MTCL2: variants seen among roughly 807,000 people sequenced by gnomAD.
MTCL2 encodes the protein microtubule cross-linking factor 2.
the MTCL2 span, among the ~76,000 whole-genome samples, chr20:36,847,353 C>T: frequency 1.3e-5 from 2 of 152,224 alleles, no homozygotes; most frequent in Non-Finnish European, 2.9e-5. Context: ...CCTTCCCAGA[C>T]TCTGATTCAA....
At chr20:36,827,357 CTTTTTTTTTTTT>C in the MTCL2 span, among the ~76,000 whole-genome samples, 2 of 116,346 alleles carry the variant, frequency 1.7e-5, no homozygotes, top group Admixed American at 9.8e-5. Flanking sequence ...CTGGACCCCC[CTTTTTTTTTTTT>C]TTTTTTTTTT....
chr20:36,832,967 G>A, the MTCL2 span, among the ~76,000 whole-genome samples: 1 of 152,140 alleles, frequency 6.6e-6, no homozygotes, highest in South Asian at 2.1e-4. Flanking sequence ...GCCCTCACAA[G>A]TGATTTACAG....
chr20:36,819,315 G>A, the MTCL2 span, among the ~76,000 whole-genome samples: 1 of 152,116 alleles, frequency 6.6e-6, no homozygotes, highest in Non-Finnish European at 1.5e-5. Flanking sequence ...GTATATTTTT[G>A]AAAATGGCCC....
chr20:36,822,890 C>T, the MTCL2 span, among the ~76,000 whole-genome samples: 2 of 151,932 alleles, frequency 1.3e-5, no homozygotes, highest in East Asian at 1.9e-4. Context: ...CCTGAGTAGC[C>T]GAGACTACAG....
At chr20:36,835,860 C>A in the MTCL2 span, among the ~76,000 whole-genome samples, 2 of 152,316 alleles carry the variant, frequency 1.3e-5, no homozygotes, top group South Asian at 4.1e-4. Context: ...TCCCCGCCGC[C>A]GCCGCCGCTG....
At chr20:36,862,893 G>C in the MTCL2 span, 1 of 1,244,702 alleles carries the variant, frequency 8.0e-7, no homozygotes, top group Non-Finnish European at 1.0e-6. Context: ...GACCCCCGCC[G>C]GGCCCCCGGC....
the MTCL2 span, chr20:36,808,891 A>G: frequency 3.0e-6 from 2 of 665,542 alleles, no homozygotes; most frequent in Non-Finnish European, 5.1e-6. Context: ...GGCGCAATCT[A>G]TTCAGATGAG....
the MTCL2 span, among the ~76,000 whole-genome samples, chr20:36,849,157 G>A: frequency 7.6e-6 from 1 of 131,418 alleles, no homozygotes; most frequent in Non-Finnish European, 1.5e-5. Flanking sequence ...TGCCTCTGGG[G>A]TTCAAACGAT....
chr20:36,785,178 G>T, the MTCL2 span: 1 of 985,338 alleles, frequency 1.0e-6, no homozygotes, highest in Non-Finnish European at 1.2e-6. Context: ...GGGGTGCAGG[G>T]CTCCAGCTCT....
chr20:36,781,091 T>A, the MTCL2 span: 1 of 152,368 alleles, frequency 6.6e-6, no homozygotes, highest in South Asian at 2.1e-4. Flanking sequence ...CTTCTTATTT[T>A]TATTTTACTG....
chr20:36,804,252 C>T, the MTCL2 span, among the ~76,000 whole-genome samples: 1 of 152,114 alleles, frequency 6.6e-6, no homozygotes, highest in Non-Finnish European at 1.5e-5. Flanking sequence ...AAGAAGCCCA[C>T]CCTCTCACTT....
At chr20:36,816,127 G>A in the MTCL2 span, 3 of 1,613,664 alleles carry the variant, frequency 1.9e-6, no homozygotes, top group Non-Finnish European at 2.5e-6. Flanking sequence ...CGCGAGTGGG[G>A]GGCATCGGCC....
chr20:36,827,603 A>AT, the MTCL2 span, among the ~76,000 whole-genome samples: 1 of 151,978 alleles, frequency 6.6e-6, no homozygotes, highest in Admixed American at 6.6e-5. Flanking sequence ...AAGTGCTGGG[A>AT]TTATAGGTGT....
the MTCL2 span, chr20:36,781,814 G>A: frequency 6.6e-6 from 1 of 152,200 alleles, no homozygotes; most frequent in South Asian, 2.1e-4. Context: ...TAGTGCCTAA[G>A]ATCCCCCGGG....
At chr20:36,793,229 G>C in the MTCL2 span, 1 of 1,544,036 alleles carries the variant, frequency 6.5e-7, no homozygotes, top group Non-Finnish European at 8.7e-7. The surrounding 1 kb of genome is among the most constrained non-coding windows in gnomAD (Gnocchi z 6.8). Flanking sequence ...TAAGAGAAAG[G>C]ACAGATCCCA....
At chr20:36,802,716 T>C in the MTCL2 span, 5 of 1,030,836 alleles carry the variant, frequency 4.9e-6, no homozygotes, top group Non-Finnish European at 6.9e-6. Flanking sequence ...GATCCAGCTA[T>C]ACCTGAAGGA....
chr20:36,862,683 A>G, the MTCL2 span: 1 of 1,499,406 alleles, frequency 6.7e-7, no homozygotes, highest in Admixed American at 2.1e-5. Flanking sequence ...CTCCGAGCGC[A>G]GCTCCTCCAG....
At chr20:36,795,404 C>T in the MTCL2 span, among the ~76,000 whole-genome samples, 1 of 152,152 alleles carries the variant, frequency 6.6e-6, no homozygotes, top group Admixed American at 6.6e-5. Flanking sequence ...TTTGCACTTT[C>T]ACCTATACAC....
chr20:36,807,034 C>A, the MTCL2 span, among the ~76,000 whole-genome samples: 1 of 152,158 alleles, frequency 6.6e-6, no homozygotes, highest in East Asian at 1.9e-4. Context: ...GGTGAGAGGG[C>A]TCCTATGTTT....
Sources: gnomAD v4.1 joint callset for allele counts (sites outside exome capture counted in the v4.1 genomes callset) on GRCh38, gnomAD v4.1.1 for gene constraint, Gnocchi (gnomAD v3.1) non-coding constraint, MANE v1.5 for transcripts, NCBI Gene and HGNC (gene_info 2026-07-23, HGNC 2026-07-21) for gene names.